Variants in LMOD1 observed in about 807,000 individuals in gnomAD.
The protein encoded by LMOD1 is leiomodin 1.
LMOD1 carries 8 observed loss-of-function variants against 36.5 expected under a neutral mutation model. The observed-to-expected ratio is 0.22, with a 90% CI of 0.13 to 0.40. The LOEUF (loss-of-function observed/expected upper bound fraction) is 0.40. Ranked by LOEUF, LMOD1 falls within the 10% of genes least tolerant of loss-of-function variation. The probability of loss-of-function intolerance (pLI) is 1.00; values close to 1 mark genes in which losing one functional copy is unlikely to be tolerated. For missense variants in LMOD1, 630 were observed against 751.1 expected, an observed-to-expected ratio of 0.84 and a Z score of 1.88; for synonymous variants, 284 against 288.7, an observed-to-expected ratio of 0.98 and a Z score of 0.17.
chr1:201,901,968 T>C (rs990954011), intron 1 of LMOD1, among the ~76,000 whole-genome samples: 1 of 44,634 alleles, frequency 2.2e-5, no homozygotes, highest in Non-Finnish European at 3.7e-5. Flanking sequence ...TTATTATTAT[T>C]TTTTTTTTTT....
At position 201,900,388 on chromosome 1, in the gene LMOD1, C is replaced by G; in HGVS notation, c.625G>C (p.Glu209Gln). ...TTCTTGGCCACCTCCTTCATCTCCT[C>G]TCTCTTTTTATCCTTGTCCCTGCTC... ...GLSRDKDKKREEMKEVAKKED... is the reference protein window; with the variant it reads ...GLSRDKDKKRQEMKEVAKKED... Residue 209 changes from glutamate (E) to glutamine (Q), a missense_variant, in exon 2 of 3, where the codon GAG becomes CAG. By Grantham distance (29) the Glu-to-Gln change is conservative. Transcript: ENST00000367288. 2.6e-6 allele frequency: 4 copies of G among 1,562,502 alleles called. No individual in the cohort carries two copies. Among genetic ancestry groups the G allele is most frequent in the Non-Finnish European group, 2.6e-6 (3 of 1,152,522 alleles).
chr1:201,908,497 C>T (rs1049514999), intron 1 of LMOD1, among the ~76,000 whole-genome samples: 2 of 152,198 alleles, frequency 1.3e-5, no homozygotes, highest in Admixed American at 1.3e-4. Context: ...AAAACCCAAA[C>T]AGATGCTCAG....
chr1:201,901,632 A>ATATATATATATATACATATATATGTG (rs1558234849), intron 1 of LMOD1, among the ~76,000 whole-genome samples: 11 of 13,722 alleles, frequency 8.0e-4, no homozygotes, highest in African/African-American at 2.6e-3. Context: ...GTGTGTGTGT[A>ATATATATATATATACATATATATGTG]TATATATATA....
intron 1 of LMOD1, among the ~76,000 whole-genome samples, chr1:201,921,261 G>A (rs1234352971): frequency 2.0e-5 from 3 of 151,926 alleles, no homozygotes; most frequent in Admixed American, 6.6e-5. Flanking sequence ...AGGCTGAGGC[G>A]GGCAGATCAC....
intron 1 of LMOD1, among the ~76,000 whole-genome samples, chr1:201,901,534 A>G (rs1347778476): frequency 0.21 from 6,703 of 31,260 alleles, 805 homozygotes; most frequent in African/African-American, 0.3. Flanking sequence ...ATATATGTAT[A>G]TATATATATA....
At chr1:201,904,863 C>T (rs769913885) in intron 1 of LMOD1, among the ~76,000 whole-genome samples, 3 of 152,206 alleles carry the variant, frequency 2.0e-5, no homozygotes, top group Non-Finnish European at 2.9e-5. Flanking sequence ...TTCTGTTGAG[C>T]TGAGCTCCTC....
intron 1 of LMOD1, among the ~76,000 whole-genome samples, chr1:201,935,711 C>T (rs1384154061): frequency 1.3e-5 from 2 of 151,856 alleles, no homozygotes; most frequent in African/African-American, 2.4e-5. Context: ...TGCCCACCAC[C>T]ACGCCCAGCT....
chr1:201,946,355 C>A lies in LMOD1; in HGVS notation c.-15G>T. 6.2e-7 allele frequency: 1 copy of A among 1,611,054 alleles called. No individual in the cohort carries two copies. ...ACTCTAGACATCTTGGCAAAATGGG[C>A]TGTGGCTGCCAGGGGCTATCAGAGT... On this transcript the variant is annotated 5_prime_UTR_variant, in exon 1 of 3. Coordinates refer to ENST00000367288, the MANE Select transcript of LMOD1 (RefSeq NM_012134.3).
At chr1:201,900,851 G>A in intron 1 of LMOD1, 100 bp from the exon 2 acceptor site, 1 of 1,043,258 alleles carries the variant, frequency 9.6e-7, no homozygotes, top group Non-Finnish European at 1.4e-6. Flanking sequence ...AACTGCCCTT[G>A]AGCCTCTGAA....
intron 1 of LMOD1, among the ~76,000 whole-genome samples, chr1:201,934,515 T>A (rs781633098): frequency 2.6e-5 from 4 of 152,162 alleles, no homozygotes; most frequent in Admixed American, 6.6e-5. Flanking sequence ...ATTATCCCCA[T>A]CAGCCATGCT....
intron 1 of LMOD1, among the ~76,000 whole-genome samples, chr1:201,935,907 G>C (rs964678709): frequency 6.6e-6 from 1 of 151,122 alleles, no homozygotes; most frequent in African/African-American, 2.4e-5. Context: ...GAGGTCATGA[G>C]TTCGAGACCA....
intron 1 of LMOD1, among the ~76,000 whole-genome samples, chr1:201,924,660 GA>G (rs1224538245): frequency 8.1e-5 from 10 of 122,962 alleles, no homozygotes; most frequent in South Asian, 2.7e-4. Context: ...GAGAAAGAAA[GA>G]AAAAAAAGAA....
At chr1:201,904,781 C>T (rs1483976217) in intron 1 of LMOD1, among the ~76,000 whole-genome samples, 2 of 152,216 alleles carry the variant, frequency 1.3e-5, no homozygotes, top group Non-Finnish European at 2.9e-5. Context: ...CTTGTTGCCG[C>T]TTGTGTAGCC....
At chr1:201,917,583 C>T (rs527719750) in intron 1 of LMOD1, among the ~76,000 whole-genome samples, 1 of 152,308 alleles carries the variant, frequency 6.6e-6, no homozygotes, top group Non-Finnish European at 1.5e-5. Flanking sequence ...GTGACTCATA[C>T]TGGGAAGCTT....
At chr1:201,943,045 G>C (rs941347506) in intron 1 of LMOD1, among the ~76,000 whole-genome samples, 1 of 152,152 alleles carries the variant, frequency 6.6e-6, no homozygotes, top group Non-Finnish European at 1.5e-5. Context: ...CCTACTCATG[G>C]GGGCAGGGAG....
At chr1:201,901,748 G>A (rs116166012) in intron 1 of LMOD1, among the ~76,000 whole-genome samples, 1,951 of 141,646 alleles carry the variant, frequency 0.014, 53 homozygotes, top group African/African-American at 0.047. Flanking sequence ...TTTGGCATCC[G>A]CTTATATTCT....
intron 1 of LMOD1, among the ~76,000 whole-genome samples, chr1:201,904,905 G>T (rs1681388770): frequency 6.6e-6 from 1 of 152,172 alleles, no homozygotes; most frequent in South Asian, 2.1e-4. Context: ...TGCTTCCTTC[G>T]TGCTAATCTG....
intron 1 of LMOD1, among the ~76,000 whole-genome samples, chr1:201,938,514 C>T (rs1023230796): frequency 1.3e-5 from 2 of 152,196 alleles, no homozygotes; most frequent in African/African-American, 4.8e-5. Flanking sequence ...ACCAGCAGAG[C>T]TGGATCTGCA....
At chr1:201,940,894 A>T (rs1008412804) in intron 1 of LMOD1, among the ~76,000 whole-genome samples, 1 of 151,890 alleles carries the variant, frequency 6.6e-6, no homozygotes, top group Non-Finnish European at 1.5e-5. Context: ...GATTACAGAC[A>T]TGTGCCGCTA....
Sources: gnomAD v4.1 joint callset for allele counts (sites outside exome capture counted in the v4.1 genomes callset) on GRCh38, gnomAD v4.1.1 for gene constraint, MANE v1.5 for transcripts, NCBI Gene and HGNC (gene_info 2026-07-23, HGNC 2026-07-21) for gene names.